TBC1D30: variants seen among roughly 807,000 people sequenced by gnomAD.
TBC1D30 encodes TBC1 domain family, member 30.
A neutral mutation model predicts 63.2 loss-of-function variants in TBC1D30; 31 were observed. The ratio of observed to expected loss-of-function variants is 0.49; its 90% CI spans 0.37 to 0.66. TBC1D30 has a LOEUF of 0.66. Among genes scored for constraint, TBC1D30 ranks in the 30% least tolerant of loss-of-function variants. The pLI is 0.00. For missense variants in TBC1D30, 810 were observed against 953.6 expected (o/e 0.85, Z 1.98); for synonymous variants, 307 against 361.5 (o/e 0.85, Z 1.71).
intron 2 of TBC1D30, among the ~76,000 whole-genome samples, chr12:64,804,690 G>T (rs1005768880): frequency 6.6e-6 from 1 of 152,190 alleles, no homozygotes; most frequent in Non-Finnish European, 1.5e-5. Context: ...AAACTAGTGG[G>T]AAAGGGGCAC....
intron 8 of TBC1D30, among the ~76,000 whole-genome samples, chr12:64,857,569 C>G (rs183536753): frequency 2.0e-5 from 3 of 152,170 alleles, no homozygotes; most frequent in Non-Finnish European, 4.4e-5. Flanking sequence ...GGAGGGATGG[C>G]GCAAGCCCTC....
At position 64,864,779 on chromosome 12, in the gene TBC1D30, G is replaced by T; in HGVS notation, c.1150G>T (p.Gly384Ter). The change falls in exon 9 of 12, where the codon GGA becomes TGA. Residue 384 changes from glycine (G) to a stop codon, truncating the protein, a stop_gained and splice_region_variant. Coordinates refer to ENST00000539867, the MANE Select transcript of TBC1D30 (RefSeq NM_015279.2). LOFTEE classifies it high-confidence loss of function. The stretch of plus-strand genomic sequence containing the variant: ...CACAGTTAAACCCACCTCAGTTTCT[G>T]GGTAAGGTTTTTAAATTCCTTGTTG... ...PATVKPTSVS[G>*]RHSKARDSDE... 6.5e-7 allele frequency: 1 copy of T among 1,532,756 alleles called. No homozygotes were observed. Among genetic ancestry groups the T allele is most frequent in the Non-Finnish European group, 8.7e-7 (1 of 1,144,354 alleles). 94.9% of individuals were successfully genotyped at this position (1,532,756 alleles called of 1,614,324 possible).
rs1879181780 is a variant in TBC1D30, at chr12:64,877,621, G to A, written c.*1833G>A. The A allele has an allele frequency of 6.6e-6, 1 of 152,168 alleles. No individual in the cohort carries two copies. The highest frequency in any genetic ancestry group is 1.5e-5 in the Non-Finnish European group (1 of 68,028). 9.4% of individuals were successfully genotyped at this position (152,168 alleles called of 1,614,324 possible). On this transcript the variant is annotated 3_prime_UTR_variant, in exon 12 of 12. Coordinates refer to ENST00000539867, the MANE Select transcript of TBC1D30 (RefSeq NM_015279.2). Reference sequence around the variant, plus strand: ...ATCCAGCTTCTTAAAAAGCAGCCACGCCTACAGCCTGTTTTTTGGGAAGGC... The same window carrying A: ...ATCCAGCTTCTTAAAAAGCAGCCACACCTACAGCCTGTTTTTTGGGAAGGC...
intron 2 of TBC1D30, among the ~76,000 whole-genome samples, chr12:64,802,919 C>A (rs1372093008): frequency 6.6e-6 from 1 of 152,120 alleles, no homozygotes; most frequent in African/African-American, 2.4e-5. Context: ...GGGTTGGTTC[C>A]AAGTCTTTGC....
At chr12:64,831,930 G>T (rs1043968117) in intron 4 of TBC1D30, among the ~76,000 whole-genome samples, 189 bp from the exon 5 acceptor site, 2 of 152,004 alleles carry the variant, frequency 1.3e-5, no homozygotes, top group African/African-American at 4.8e-5. Context: ...CTCTTAAACA[G>T]CATATTACAA....
At position 64,877,036 on chromosome 12, in the gene TBC1D30, G is replaced by C; in HGVS notation, c.*1248G>C. ...CACAGATGTATTGGCTACATAGCGTGTAAAAACCAAGACTGGGAAGCCATT... is the reference window on the plus strand; with the variant it reads ...CACAGATGTATTGGCTACATAGCGTCTAAAAACCAAGACTGGGAAGCCATT... On this transcript the variant is annotated 3_prime_UTR_variant, in exon 12 of 12. Coordinates refer to ENST00000539867, the MANE Select transcript of TBC1D30 (RefSeq NM_015279.2). 1 of 379,742 alleles carries C rather than the reference G, an allele frequency of 2.6e-6. No individual in the cohort carries two copies. The highest frequency in any genetic ancestry group is 5.3e-6 in the Non-Finnish European group (1 of 188,122). The allele number at this position is 379,742 out of a possible 1,614,324, so 23.5% of individuals were successfully genotyped here.
In TBC1D30 at chr12:64,807,259, C is replaced by T. The variant is rs148077469; in HGVS notation, c.644-20576C>T. 7.3e-3 allele frequency among the ~76,000 whole-genome samples: 1,117 copies of T among 152,272 alleles called. 14 individuals carry two copies. The highest frequency in any genetic ancestry group is 0.025 in the African/African-American group (1,055 of 41,554). On this transcript the variant is annotated intron_variant, in intron 2 of 12. Transcript: ENST00000542120. ...CTTCCTGCCATCATGTGAAGAAGGA[C>T]GTGTTTGCTTCCCCTTCCACCATGA...
At position 64,865,827 on chromosome 12, in the gene TBC1D30, A is replaced by G. The variant is rs140702065; in HGVS notation, c.1152-937A>G. Among the ~76,000 whole-genome samples the G allele has an allele frequency of 3.2e-3, 489 of 152,334 alleles. 4 individuals are homozygous for G. The highest frequency in any genetic ancestry group is 0.011 in the African/African-American group (450 of 41,580). On this transcript the variant is annotated intron_variant, in intron 9 of 11. Transcript: ENST00000539867. Reference sequence around the variant, plus strand: ...ATTGGAAACCACTCAAGTGTATACCATTAGCAGCCTGGCTCCACACTATGG... The same window carrying G: ...ATTGGAAACCACTCAAGTGTATACCGTTAGCAGCCTGGCTCCACACTATGG...
At chr12:64,770,864 C>G (rs972348919) in intron 1 of TBC1D30, among the ~76,000 whole-genome samples, 4 of 151,540 alleles carry the variant, frequency 2.6e-5, no homozygotes, top group Non-Finnish European at 5.9e-5. Context: ...CCACCACACC[C>G]AGCTAATTTT....
At chr12:64,825,969 C>T in intron 1 of TBC1D30, among the ~76,000 whole-genome samples, 1 of 152,184 alleles carries the variant, frequency 6.6e-6, no homozygotes, top group East Asian at 1.9e-4. Context: ...GGGTGGGATG[C>T]GGCACTGCCT....
upstream of TBC1D30, among the ~76,000 whole-genome samples, chr12:64,823,180 A>C (rs916004717): frequency 3.9e-5 from 6 of 152,168 alleles, no homozygotes; most frequent in Non-Finnish European, 5.9e-5. Flanking sequence ...TGATGTTAGC[A>C]TACTTATTTA....
At chr12:64,804,728 T>G (rs1240526915) in intron 2 of TBC1D30, among the ~76,000 whole-genome samples, 1 of 152,134 alleles carries the variant, frequency 6.6e-6, no homozygotes, top group Non-Finnish European at 1.5e-5. Flanking sequence ...TCTAAACCAC[T>G]TGAGGTTTTT....
intron 8 of TBC1D30, among the ~76,000 whole-genome samples, chr12:64,858,663 C>T (rs2136444040): frequency 6.6e-6 from 1 of 152,350 alleles, no homozygotes; most frequent in East Asian, 1.9e-4. Context: ...CTAAGTCCTT[C>T]AGCACTTCCT....
chr12:64,798,228 G>T (rs1012186050), intron 2 of TBC1D30, among the ~76,000 whole-genome samples: 2 of 152,208 alleles, frequency 1.3e-5, no homozygotes, highest in Admixed American at 6.5e-5. Context: ...GCTTTCAGAA[G>T]AATAAAGTCA....
chr12:64,875,877 C>T lies in TBC1D30; in HGVS notation c.*89C>T. On this transcript the variant is annotated 3_prime_UTR_variant, in exon 12 of 12. Transcript: ENST00000539867. ...TGGCTCTAAAAGAGTTTTATTTGTC[C>T]AGTGAAAATGAATAGGTTCAGGGAT... 2.3e-6 allele frequency: 3 copies of T among 1,322,780 alleles called. No homozygotes were observed. The highest frequency in any genetic ancestry group is 3.0e-6 in the Non-Finnish European group (3 of 996,360). The allele number at this position is 1,322,780 out of a possible 1,614,324, so 81.9% of individuals were successfully genotyped here. A position where few individuals can be genotyped will look rare whatever the true frequency, so the allele number is the denominator to read the frequency against.
chr12:64,818,408 C>T (rs1316168450), intron 2 of TBC1D30: 18 of 983,694 alleles, frequency 1.8e-5, no homozygotes, highest in Non-Finnish European at 1.9e-5. Context: ...TCCTTGTGTC[C>T]TTGTCACTAC....
chr12:64,780,790 C>G, exon 1 of TBC1D30: 8 of 990,334 alleles, frequency 8.1e-6, no homozygotes, highest in Non-Finnish European at 9.6e-6. Context: ...GGGAGCCGGG[C>G]AGCCGCGCGC....
At chr12:64,823,977 A>T (rs909412668), upstream of TBC1D30, among the ~76,000 whole-genome samples, 1 of 151,770 alleles carries the variant, frequency 6.6e-6, no homozygotes, top group East Asian at 1.9e-4. Flanking sequence ...AAATATTAGC[A>T]AACACAAGTA....
chr12:64,832,351 G>T, intron 5 of TBC1D30, 47 bp downstream of exon 5: 1 of 1,494,482 alleles, frequency 6.7e-7, no homozygotes, highest in South Asian at 1.2e-5. Context: ...TTCTGAGAGT[G>T]AGAAATTGGA....
Sources: gnomAD v4.1 joint callset for allele counts (sites outside exome capture counted in the v4.1 genomes callset) on GRCh38, gnomAD v4.1.1 for gene constraint, MANE v1.5 for transcripts, NCBI Gene and HGNC (gene_info 2026-07-23, HGNC 2026-07-21) for gene names.